Variants in PRDM15 observed in about 807,000 individuals in gnomAD.
The protein encoded by PRDM15 is PR domain zinc finger protein 15.
In PRDM15, 64 loss-of-function variants were observed where a neutral mutation model predicts 128.6. That is an observed-to-expected ratio of 0.50 (90% CI 0.41 to 0.61). The LOEUF is 0.61. Ranked by LOEUF, PRDM15 falls within the 20% of genes least tolerant of loss-of-function variation. The probability of loss-of-function intolerance (pLI) is 0.00; values close to 1 mark genes in which losing one functional copy is unlikely to be tolerated. For missense variants in PRDM15, 1,242 were observed against 1,569.1 expected, an observed-to-expected ratio of 0.79 and a Z score of 3.52; for synonymous variants, 615 against 621.8, an observed-to-expected ratio of 0.99 and a Z score of 0.16.
At chr21:41,878,655 T>A in intron 1 of PRDM15, 1 of 1,353,086 alleles carries the variant, frequency 7.4e-7, no homozygotes, top group Non-Finnish European at 1.0e-6. Context: ...CCAAAAGGCT[T>A]ACGAAAATAA....
chr21:41,827,478 T>A (rs1030030758), intron 12 of PRDM15, among the ~76,000 whole-genome samples: 1 of 152,168 alleles, frequency 6.6e-6, no homozygotes. Flanking sequence ...GCCTCCTGAG[T>A]AGCTGGCACT....
intron 1 of PRDM15, chr21:41,871,672 C>T (rs1323509397): frequency 1.3e-6 from 2 of 1,558,024 alleles, no homozygotes; most frequent in African/African-American, 1.4e-5. Context: ...CCCACTGTCC[C>T]TCTCCACGTG....
intron 7 of PRDM15, 92 bp downstream of exon 7, chr21:41,839,531 C>CGCCCCGCCCTCTGCCCCCT (rs1172625881): frequency 3.9e-6 from 4 of 1,019,572 alleles, no homozygotes; most frequent in Non-Finnish European, 6.0e-6. Context: ...TGAGTTTTCC[C>CGCCCCGCCCTCTGCCCCCT]GCCCCGCCCT....
In PRDM15 at chr21:41,834,567, A is replaced by C. The variant is rs546314768; in HGVS notation, c.1366+870T>G. On this transcript the variant is annotated intron_variant, in intron 11 of 23. Transcript: ENST00000398548. ...CTCTCCAGGGTGTGCTATGAGTCCT[A>C]GAGAGAGGGGGACACAAAGGCAACA... 5 of 1,547,802 alleles carry C rather than the reference A, an allele frequency of 3.2e-6. No homozygotes were observed. The South Asian group carries it at 4.8e-5, about 15-fold the overall frequency.
intron 21 of PRDM15, among the ~76,000 whole-genome samples, chr21:41,806,756 C>G (rs978892904): frequency 7.0e-6 from 1 of 143,710 alleles, no homozygotes; most frequent in South Asian, 2.2e-4. Flanking sequence ...CCATCACCAC[C>G]GCCACCACCA....
At chr21:41,809,520 C>T (rs770621504) in intron 21 of PRDM15, among the ~76,000 whole-genome samples, 4 of 152,148 alleles carry the variant, frequency 2.6e-5, no homozygotes, top group African/African-American at 7.2e-5. Context: ...CATGAGCCAC[C>T]GTGCCCGGCC....
At chr21:41,817,785 T>C (rs1436333972) in intron 18 of PRDM15, among the ~76,000 whole-genome samples, 3 of 152,226 alleles carry the variant, frequency 2.0e-5, no homozygotes, top group Non-Finnish European at 4.4e-5. Flanking sequence ...TGTTGCGTGA[T>C]AGCACGATGA....
At chr21:41,867,417 A>C in intron 1 of PRDM15, 1 of 1,416,714 alleles carries the variant, frequency 7.1e-7, no homozygotes, top group Non-Finnish European at 1.0e-6. Flanking sequence ...GGCTCTACAC[A>C]CTTCAGCAGA....
chr21:41,856,192 C>T (rs1345652696), intron 4 of PRDM15, among the ~76,000 whole-genome samples: 2 of 31,910 alleles, frequency 6.3e-5, no homozygotes, highest in African/African-American at 3.4e-4. Flanking sequence ...CCCTCCCCTC[C>T]CTCCCTTCCT....
chr21:41,861,626 C>T, intron 1 of PRDM15: 1 of 1,613,940 alleles, frequency 6.2e-7, no homozygotes, highest in Non-Finnish European at 8.5e-7. Context: ...GGAAAGTGTG[C>T]ATGCTGGCAC....
At chr21:41,815,635 C>T in intron 19 of PRDM15, 70 bp downstream of exon 19, 3 of 1,582,686 alleles carry the variant, frequency 1.9e-6, no homozygotes, top group Non-Finnish European at 2.6e-6. Context: ...GCTCTCTCTT[C>T]TCCCACGGCC....
At chr21:41,826,259 G>A (rs1247218225) in intron 12 of PRDM15, among the ~76,000 whole-genome samples, 1 of 152,200 alleles carries the variant, frequency 6.6e-6, no homozygotes, top group Non-Finnish European at 1.5e-5. Flanking sequence ...GCAGCCCCAG[G>A]GAAGGAAGGG....
chr21:41,815,959 G>A (rs4075969), intron 18 of PRDM15, 123 bp from the exon 19 acceptor site: 341,990 of 1,240,336 alleles, frequency 0.28, 49,401 homozygotes, highest in African/African-American at 0.44. Flanking sequence ...GGTGTGGGCC[G>A]GCCCCCGAGG....
At chr21:41,867,367 T>C (rs552816263) in intron 1 of PRDM15, 154 of 1,613,620 alleles carry the variant, frequency 9.5e-5, no homozygotes, top group Non-Finnish European at 1.2e-4. Context: ...AAAAGTTTTG[T>C]GCAAAGGGTC....
At chr21:41,872,706 G>A (rs2064256067) in intron 1 of PRDM15, among the ~76,000 whole-genome samples, 1 of 152,148 alleles carries the variant, frequency 6.6e-6, no homozygotes. Context: ...TGCTACCATT[G>A]TGCGGGCCAG....
At chr21:41,866,849 A>G (rs926844236) in intron 1 of PRDM15, among the ~76,000 whole-genome samples, 17 of 152,162 alleles carry the variant, frequency 1.1e-4, no homozygotes, top group African/African-American at 4.1e-4. Context: ...GGGCTGGTAG[A>G]GCCCAGATCC....
At chr21:41,877,593 C>G (rs1263833669) in intron 1 of PRDM15, 1 of 152,242 alleles carries the variant, frequency 6.6e-6, no homozygotes, top group Non-Finnish European at 1.5e-5. Flanking sequence ...TCCCTTCAAT[C>G]TGCAAAATGG....
At chr21:41,823,282 G>A in intron 14 of PRDM15, 36 bp downstream of exon 14, 1 of 1,602,310 alleles carries the variant, frequency 6.2e-7, no homozygotes, top group Non-Finnish European at 8.5e-7. Context: ...GGCCTGCCGT[G>A]AGCATGCCTG....
chr21:41,871,084 A>G (rs928563259), intron 1 of PRDM15, among the ~76,000 whole-genome samples: 1 of 152,250 alleles, frequency 6.6e-6, no homozygotes, highest in African/African-American at 2.4e-5. Context: ...AGACATGTAG[A>G]TAAAACACAG....
Sources: allele counts gnomAD v4.1 joint callset (sites outside exome capture counted in the v4.1 genomes callset), GRCh38; gene constraint gnomAD v4.1.1; transcripts MANE v1.5; gene names NCBI Gene and HGNC (gene_info 2026-07-23, HGNC 2026-07-21).